The following CTXND1 variants were observed in gnomAD, a reference collection of about 807,000 sequenced individuals.
CTXND1 encodes cortexin domain-containing 1 protein.
At chr15:80,240,029 G>T (rs1023425483) in intron 1 of CTXND1, among the ~76,000 whole-genome samples, 1 of 152,090 alleles carries the variant, frequency 6.6e-6, no homozygotes, top group African/African-American at 2.4e-5. Flanking sequence ...GCAATGGCAC[G>T]ATCTCAGCCC....
At chr15:80,221,609 A>G (rs1893321181) in intron 1 of CTXND1, among the ~76,000 whole-genome samples, 2 of 152,130 alleles carry the variant, frequency 1.3e-5, no homozygotes, top group Admixed American at 1.3e-4. Flanking sequence ...TTTTTTTGGT[A>G]AGTCTGATTT....
intron 1 of CTXND1, among the ~76,000 whole-genome samples, chr15:80,225,091 C>T (rs929674950): frequency 1.3e-5 from 2 of 152,208 alleles, no homozygotes; most frequent in African/African-American, 2.4e-5. Flanking sequence ...TATCCTTATA[C>T]GTGAAGTGTT....
chr15:80,234,222 G>A (rs74922470), intron 1 of CTXND1, among the ~76,000 whole-genome samples: 3 of 152,284 alleles, frequency 2.0e-5, no homozygotes, highest in East Asian at 3.9e-4. Flanking sequence ...TTGGGGATAC[G>A]GATTGATTAT....
intron 1 of CTXND1, among the ~76,000 whole-genome samples, chr15:80,224,127 G>T (rs1163883781): frequency 2.6e-5 from 4 of 152,192 alleles, no homozygotes; most frequent in Non-Finnish European, 2.9e-5. Context: ...AGGAAAGAGG[G>T]ATGCCTGAGG....
intron 1 of CTXND1, among the ~76,000 whole-genome samples, chr15:80,219,423 T>C (rs1893289458): frequency 6.6e-6 from 1 of 152,222 alleles, no homozygotes; most frequent in South Asian, 2.1e-4. Flanking sequence ...TGTTCACTGC[T>C]CATTTCTTCT....
intron 1 of CTXND1, among the ~76,000 whole-genome samples, chr15:80,212,671 T>A (rs944169035): frequency 2.0e-4 from 31 of 152,220 alleles, no homozygotes; most frequent in Non-Finnish European, 3.5e-4. Flanking sequence ...GAAAACTCTC[T>A]GGTCTGAAGG....
At chr15:80,204,968 C>T (rs1192553815) in intron 1 of CTXND1, among the ~76,000 whole-genome samples, 1 of 152,180 alleles carries the variant, frequency 6.6e-6, no homozygotes, top group African/African-American at 2.4e-5. Flanking sequence ...CCCCTCTCCC[C>T]AGCCATCTAG....
In CTXND1 at chr15:80,195,587, A is replaced by T. The variant is rs1296084990; in HGVS notation, c.*6183T>A. On this transcript the variant is annotated 3_prime_UTR_variant, in exon 3 of 3. Coordinates refer to ENST00000560778, the MANE Select transcript of CTXND1 (RefSeq NM_001352888.2). ...AGGACCTTCTTGTTGCATCATAAAC[A>T]TGGTGGAAGGAATCACATGGGCAAG... 1.3e-5 allele frequency: 2 copies of T among 152,230 alleles called. No individual in the cohort carries two copies. 9.4% of individuals were successfully genotyped at this position (152,230 alleles called of 1,614,324 possible). A position where few individuals can be genotyped will look rare whatever the true frequency, so the allele number is the denominator to read the frequency against.
At chr15:80,238,578 A>G (rs1893529986) in intron 1 of CTXND1, among the ~76,000 whole-genome samples, 2 of 147,412 alleles carry the variant, frequency 1.4e-5, no homozygotes, top group Admixed American at 1.4e-4. Context: ...TCCACCTCCC[A>G]GGTTCACGCC....
intron 1 of CTXND1, among the ~76,000 whole-genome samples, chr15:80,213,026 T>C (rs909703296): frequency 3.4e-5 from 5 of 148,802 alleles, no homozygotes; most frequent in Admixed American, 3.3e-4. Context: ...CTTGGGACTA[T>C]GATTCTTTTC....
At position 80,216,205 on chromosome 15, in the gene CTXND1, C is replaced by T. The variant is rs559510780; in HGVS notation, c.-217-12465G>A. ...CTGGGGCGGCACCAAGCTGCATCAA[C>T]CATATGTTTTCTGGCTCTACTCCTG... On this transcript the variant is annotated intron_variant, in intron 1 of 2. Coordinates refer to ENST00000560778, the MANE Select transcript of CTXND1 (RefSeq NM_001352888.2). 3.3e-5 allele frequency among the ~76,000 whole-genome samples: 5 copies of T among 152,280 alleles called. No homozygotes were observed. In the East Asian group the frequency reaches 7.7e-4, roughly 23 times the overall value.
At chr15:80,219,415 T>A (rs79388013) in intron 1 of CTXND1, among the ~76,000 whole-genome samples, 123 of 152,326 alleles carry the variant, frequency 8.1e-4, no homozygotes, top group Non-Finnish European at 1.3e-3. Flanking sequence ...ACAAGGTTTG[T>A]TCACTGCTCA....
chr15:80,223,105 T>C (rs950450967), intron 1 of CTXND1, among the ~76,000 whole-genome samples: 3 of 152,142 alleles, frequency 2.0e-5, no homozygotes, highest in African/African-American at 7.2e-5. Context: ...TGAGACAGAG[T>C]TTTGCTCTTG....
chr15:80,251,041 T>C (rs1893688083), intron 1 of CTXND1, among the ~76,000 whole-genome samples: 1 of 152,188 alleles, frequency 6.6e-6, no homozygotes, highest in Admixed American at 6.5e-5. Flanking sequence ...AGAGGAGAAC[T>C]GAGAAGAACC....
At chr15:80,210,907 A>G (rs1893197142) in intron 1 of CTXND1, among the ~76,000 whole-genome samples, 1 of 152,344 alleles carries the variant, frequency 6.6e-6, no homozygotes, top group African/African-American at 2.4e-5. Flanking sequence ...TTTCCTAGGT[A>G]GGTGAGTCTT....
chr15:80,241,217 C>T (rs1361791561), intron 1 of CTXND1, among the ~76,000 whole-genome samples: 1 of 152,142 alleles, frequency 6.6e-6, no homozygotes, highest in African/African-American at 2.4e-5. Context: ...GTGTGACTCC[C>T]TAGACCACTC....
At chr15:80,228,635 A>ATTTTTT (rs1444456548) in intron 1 of CTXND1, among the ~76,000 whole-genome samples, 1 of 49,708 alleles carries the variant, frequency 2.0e-5, no homozygotes, top group Non-Finnish European at 3.9e-5. Context: ...AAAATCTGAA[A>ATTTTTT]CTTTTTTTTT....
intron 1 of CTXND1, among the ~76,000 whole-genome samples, chr15:80,239,436 T>C (rs1252241259): frequency 1.3e-5 from 2 of 152,280 alleles, no homozygotes; most frequent in East Asian, 3.9e-4. Flanking sequence ...GGAAGGCAGA[T>C]CCACCCACAA....
chr15:80,226,396 A>G (rs1167346898), intron 1 of CTXND1, among the ~76,000 whole-genome samples: 3 of 152,106 alleles, frequency 2.0e-5, no homozygotes, highest in African/African-American at 7.2e-5. Flanking sequence ...AAATTAGGAC[A>G]TGTTTCTTTT....
Sources: allele counts gnomAD v4.1 joint callset (sites outside exome capture counted in the v4.1 genomes callset), GRCh38; gene constraint gnomAD v4.1.1; transcripts MANE v1.5; gene names NCBI Gene and HGNC (gene_info 2026-07-23, HGNC 2026-07-21).